VPS37A: variants seen among roughly 807,000 people sequenced by gnomAD.
The protein encoded by VPS37A is VPS37A subunit of ESCRT-I.
In VPS37A, 30 loss-of-function variants were observed where a neutral mutation model predicts 49.8. The observed-to-expected ratio is 0.60, with a 90% CI of 0.45 to 0.82. The LOEUF is 0.82. VPS37A is among the 40% of genes least tolerant of loss of function. VPS37A has a pLI of 0.00. For missense variants in VPS37A, 593 were observed against 464.4 expected, an observed-to-expected ratio of 1.28 and a Z score of -2.55; for synonymous variants, 195 against 160.6, an observed-to-expected ratio of 1.21 and a Z score of -1.62.
intron 6 of VPS37A, among the ~76,000 whole-genome samples, chr8:17,278,288 A>G (rs1814714966): frequency 6.6e-6 from 1 of 152,100 alleles, no homozygotes. Flanking sequence ...ATTGACCATC[A>G]TTAATATAGC....
At chr8:17,294,786 T>G (rs966384149) in intron 11 of VPS37A, among the ~76,000 whole-genome samples, 3 of 152,172 alleles carry the variant, frequency 2.0e-5, no homozygotes, top group African/African-American at 7.2e-5. Flanking sequence ...CCCAGTGAGA[T>G]GAACCAGGTA....
chr8:17,280,537 A>G (rs1814958645), intron 9 of VPS37A, 94 bp downstream of exon 9: 4 of 1,165,970 alleles, frequency 3.4e-6, no homozygotes, highest in South Asian at 1.6e-5. Flanking sequence ...ATCAGAAACC[A>G]TTTATGAGGT....
downstream of VPS37A, among the ~76,000 whole-genome samples, chr8:17,306,825 G>A (rs548565893): frequency 2.0e-4 from 30 of 152,194 alleles, no homozygotes; most frequent in Non-Finnish European, 4.0e-4. Context: ...GTGTTACCTA[G>A]GCTAGCCATA....
chr8:17,274,837 C>G lies in VPS37A; in HGVS notation c.521C>G (p.Ser174Cys). The G allele has an allele frequency of 1.2e-6, 2 of 1,614,176 alleles. No individual in the cohort carries two copies. Among genetic ancestry groups the G allele is most frequent in the South Asian group, 1.1e-5 (1 of 91,082 alleles). Residue 174 changes from serine to cysteine, a missense_variant, in exon 5 of 12, where the codon TCT (serine) becomes TGT (cysteine). Coordinates refer to ENST00000324849, the MANE Select transcript of VPS37A (RefSeq NM_152415.3). ...QEANRSITSLSVADTVSSSTT... is the reference protein window; with the variant it reads ...QEANRSITSLCVADTVSSSTT... The stretch of plus-strand genomic sequence containing the variant: ...GCAAACAGGAGTATCACTTCTTTAT[C>G]TGTTGCTGACACTGTTTCTTCTTCA...
chr8:17,268,986 C>T (rs534226862), intron 4 of VPS37A, 30 bp downstream of exon 4: 1 of 1,464,844 alleles, frequency 6.8e-7, no homozygotes, highest in South Asian at 1.2e-5. Flanking sequence ...ATAAAAAAGT[C>T]TGCCTGTATT....
At chr8:17,313,510 T>C in the VPS37A span, 2 of 658,216 alleles carry the variant, frequency 3.0e-6, no homozygotes, top group African/African-American at 1.9e-5. Flanking sequence ...TATTAGGTAT[T>C]TTCTGGAAGC....
chr8:17,253,506 T>C (rs988024910), intron 1 of VPS37A, among the ~76,000 whole-genome samples: 7 of 152,220 alleles, frequency 4.6e-5, no homozygotes, highest in African/African-American at 1.7e-4. Context: ...AAACAGAATG[T>C]AACGTTTCAT....
the VPS37A span, among the ~76,000 whole-genome samples, chr8:17,319,696 A>G: frequency 0.11 from 16,982 of 152,226 alleles, 1,595 homozygotes; most frequent in South Asian, 0.43. Context: ...GTGGAAACCA[A>G]TGCAAACAGA....
rs914397746 is a variant in VPS37A, at chr8:17,297,070, C to T, written c.*2084C>T. 1.3e-5 allele frequency: 2 copies of T among 151,976 alleles called. No homozygotes were observed. Among genetic ancestry groups the T allele is most frequent in the African/African-American group, 4.8e-5 (2 of 41,374 alleles). The allele number at this position is 151,976 out of a possible 1,614,324, so 9.4% of individuals were successfully genotyped here. The stretch of plus-strand genomic sequence containing the variant: ...TTCTAATTTTATGGCTATATATTTT[C>T]TTCATAAAAATTGGTCACATCGGAG... On this transcript the variant is annotated 3_prime_UTR_variant, in exon 12 of 12. Transcript: ENST00000324849.
intron 1 of VPS37A, among the ~76,000 whole-genome samples, chr8:17,251,671 A>T (rs573131731): frequency 1.0e-3 from 152 of 152,352 alleles, no homozygotes; most frequent in Admixed American, 1.6e-3. Flanking sequence ...TGATGCAGGT[A>T]AATAACCTAA....
chr8:17,299,676 A>AG (rs1816970007), downstream of VPS37A: 1 of 715,546 alleles, frequency 1.4e-6, no homozygotes, highest in African/African-American at 1.8e-5. Flanking sequence ...TGATAAATGA[A>AG]ATGACTACGT....
rs536277524 is a variant in VPS37A at position 17,254,447 on chromosome 8, T to G, written c.125+7078T>G. On this transcript the variant is annotated intron_variant, in intron 1 of 11. Transcript: ENST00000324849. ...GCTAATTCCCTAGCCTACCTGCTGC[T>G]CCACGAATGTCACCCTGTTGATTAA... 2.6e-5 allele frequency among the ~76,000 whole-genome samples: 4 copies of G among 152,294 alleles called. 1 individual carries two copies. In the South Asian group the frequency reaches 8.3e-4, roughly 32 times the overall value.
At chr8:17,274,583 A>G in intron 4 of VPS37A, 150 bp from the exon 5 acceptor site, 1 of 527,524 alleles carries the variant, frequency 1.9e-6, no homozygotes, top group Non-Finnish European at 3.2e-6. Flanking sequence ...ATAATATTTA[A>G]TTCCATTATA....
At chr8:17,261,450 A>T (rs187199529) in intron 1 of VPS37A, among the ~76,000 whole-genome samples, 2 of 152,304 alleles carry the variant, frequency 1.3e-5, no homozygotes, top group East Asian at 3.9e-4. Context: ...ACATATTATT[A>T]TCTCATTAGG....
At chr8:17,269,040 T>A in intron 4 of VPS37A, 84 bp downstream of exon 4, 1 of 952,552 alleles carries the variant, frequency 1.0e-6, no homozygotes, top group Non-Finnish European at 1.5e-6. Flanking sequence ...CAAATGATGT[T>A]AAAAATCAGT....
chr8:17,259,897 CT>C (rs1812814833), intron 1 of VPS37A, among the ~76,000 whole-genome samples: 1 of 152,030 alleles, frequency 6.6e-6, no homozygotes. Context: ...GCTCCTGCTC[CT>C]TTTGGTTTCC....
chr8:17,269,275 G>A (rs1291130214), intron 4 of VPS37A, among the ~76,000 whole-genome samples: 1 of 152,062 alleles, frequency 6.6e-6, no homozygotes, highest in Non-Finnish European at 1.5e-5. Flanking sequence ...CTGTCTCAGT[G>A]AAATTATATC....
the VPS37A span, among the ~76,000 whole-genome samples, chr8:17,308,299 AGC>A: frequency 6.6e-6 from 1 of 152,126 alleles, no homozygotes; most frequent in Non-Finnish European, 1.5e-5. Context: ...CTAACTGCCT[AGC>A]GTGTAATATT....
chr8:17,248,435 C>T (rs1010715661), intron 1 of VPS37A: 34 of 451,352 alleles, frequency 7.5e-5, no homozygotes, highest in African/African-American at 6.4e-4. Flanking sequence ...CCACCATGCG[C>T]GGCTAATATT....
Sources: allele counts gnomAD v4.1 joint callset (sites outside exome capture counted in the v4.1 genomes callset), GRCh38; gene constraint gnomAD v4.1.1; transcripts MANE v1.5; gene names NCBI Gene and HGNC (gene_info 2026-07-23, HGNC 2026-07-21).